ANKS1B: variants seen among roughly 807,000 people sequenced by gnomAD.
The protein encoded by ANKS1B is ankyrin repeat and sterile alpha motif domain-containing protein 1B.
ANKS1B carries 36 observed loss-of-function variants against 148.3 expected under a neutral mutation model. That is an observed-to-expected ratio of 0.24 (90% CI 0.19 to 0.32). The LOEUF (loss-of-function observed/expected upper bound fraction) is 0.32. ANKS1B is among the 10% of genes least tolerant of loss of function. ANKS1B has a pLI of 1.00. For synonymous variants in ANKS1B, 542 were observed against 560.8 expected (o/e 0.97, Z 0.47); for missense variants, 1,157 against 1,542.6 (o/e 0.75, Z 4.19).
At chr12:99,747,278 C>T (rs564576463) in intron 8 of ANKS1B, among the ~76,000 whole-genome samples, 1 of 152,188 alleles carries the variant, frequency 6.6e-6, no homozygotes, top group African/African-American at 2.4e-5. Flanking sequence ...CTTTCTAACA[C>T]AGCCAGTTTC....
chr12:99,840,635 C>T lies in ANKS1B; in HGVS notation c.135-15246G>A, dbSNP rs140148480. On this transcript the variant is annotated intron_variant, in intron 1 of 26. Transcript: ENST00000683438. ...AACAGAATTTGCTGACAAATTGTGA[C>T]GTGCAAAGAAAAGAAACAGGAAGGA... Among the ~76,000 whole-genome samples the T allele has an allele frequency of 3.9e-3, 599 of 152,056 alleles. 3 individuals are homozygous for T. The highest frequency in any genetic ancestry group is 0.012 in the African/African-American group (498 of 41,478).
chr12:99,197,620 A>G (rs1419359294), intron 14 of ANKS1B, among the ~76,000 whole-genome samples: 1 of 152,190 alleles, frequency 6.6e-6, no homozygotes, highest in South Asian at 2.1e-4. Context: ...TCTCTTCCAG[A>G]TTCAGATAAC....
intron 17 of ANKS1B, among the ~76,000 whole-genome samples, chr12:98,945,473 C>A (rs1489387238): frequency 2.4e-5 from 3 of 125,352 alleles, no homozygotes; most frequent in African/African-American, 9.8e-5. Context: ...CCAGCCTGGG[C>A]AGCAGAGCCA....
Position 98,781,101 on chromosome 12 carries a change from G to C in ANKS1B, c.3441+16C>G, listed in dbSNP as rs562101832. ...CTGCATCTGGTGTCTAAACCAGAGAGAGGAGTGGTACTTACCTTATTTGTT... is the reference window on the plus strand; with the variant it reads ...CTGCATCTGGTGTCTAAACCAGAGACAGGAGTGGTACTTACCTTATTTGTT... On this transcript the variant is annotated intron_variant, in intron 24 of 26. Transcript: ENST00000683438. The C allele has an allele frequency of 1.2e-5, 18 of 1,500,358 alleles. No individual in the cohort carries two copies. The African/African-American group carries it at 2.1e-4, about 17-fold the overall frequency. The allele number at this position is 1,500,358 out of a possible 1,614,324, so 92.9% of individuals were successfully genotyped here.
chr12:99,385,768 C>A (rs2152527363), intron 12 of ANKS1B, among the ~76,000 whole-genome samples: 1 of 152,220 alleles, frequency 6.6e-6, no homozygotes, highest in South Asian at 2.1e-4. Flanking sequence ...AGAAAATATG[C>A]TAAGGAGACT....
intron 12 of ANKS1B, among the ~76,000 whole-genome samples, chr12:99,265,367 T>G (rs2076347261): frequency 6.6e-6 from 1 of 152,166 alleles, no homozygotes. Flanking sequence ...TACCTGGGGA[T>G]GGGCCCAGCA....
At position 99,938,183 on chromosome 12, in the gene ANKS1B, G is replaced by A. The variant is rs556994337; in HGVS notation, c.134+45921C>T. On this transcript the variant is annotated intron_variant, in intron 1 of 26. Coordinates refer to ENST00000683438, the MANE Select transcript of ANKS1B (RefSeq NM_001352186.2). ...TTTGTTGGAGTCTCTGTCTTTTACC[G>A]GCTTTAAGGAAGCAAGTGGCCATAT... 5.3e-5 allele frequency among the ~76,000 whole-genome samples: 8 copies of A among 152,214 alleles called. No homozygotes were observed. The East Asian group carries it at 7.7e-4, about 15-fold the overall frequency.
chr12:99,118,270 A>C (rs971362499), intron 15 of ANKS1B, among the ~76,000 whole-genome samples: 1 of 152,176 alleles, frequency 6.6e-6, no homozygotes, highest in Non-Finnish European at 1.5e-5. Flanking sequence ...CCATATAATA[A>C]ATTGGGTTTG....
chr12:99,067,969 C>A (rs2044973233), intron 16 of ANKS1B, among the ~76,000 whole-genome samples: 1 of 151,950 alleles, frequency 6.6e-6, no homozygotes, highest in Non-Finnish European at 1.5e-5. Context: ...TAAGAATCTT[C>A]AGCTCTATTT....
intron 16 of ANKS1B, among the ~76,000 whole-genome samples, chr12:99,060,717 AGAGC>A (rs1565824020): frequency 6.7e-6 from 1 of 150,014 alleles, no homozygotes; most frequent in East Asian, 2.0e-4. Context: ...ATAGAGAGAG[AGAGC>A]CTGTCATTCC....
chr12:99,297,040 T>A (rs2080965799), intron 12 of ANKS1B, among the ~76,000 whole-genome samples: 1 of 152,178 alleles, frequency 6.6e-6, no homozygotes, highest in African/African-American at 2.4e-5. Flanking sequence ...TTAGCTTTGT[T>A]AGCAGAATTT....
chr12:99,795,687 G>T (rs116012604), intron 4 of ANKS1B, among the ~76,000 whole-genome samples: 1 of 152,042 alleles, frequency 6.6e-6, no homozygotes, highest in East Asian at 1.9e-4. Context: ...ACACGGAAAA[G>T]GTCCCACTTT....
At chr12:99,617,451 T>G (rs1392288048) in intron 9 of ANKS1B, among the ~76,000 whole-genome samples, 1 of 152,144 alleles carries the variant, frequency 6.6e-6, no homozygotes, top group Non-Finnish European at 1.5e-5. Flanking sequence ...TGGAATACTA[T>G]GCAGCCATAA....
chr12:99,082,975 T>A (rs2050340524), intron 16 of ANKS1B, among the ~76,000 whole-genome samples: 1 of 152,058 alleles, frequency 6.6e-6, no homozygotes, highest in African/African-American at 2.4e-5. Flanking sequence ...AGGTAATATT[T>A]TAAGTAAACA....
chr12:99,793,307 A>G (rs1301548764), intron 4 of ANKS1B, among the ~76,000 whole-genome samples: 2 of 152,116 alleles, frequency 1.3e-5, no homozygotes, highest in Non-Finnish European at 2.9e-5. Flanking sequence ...CAACATACCA[A>G]TGACATTTTT....
chr12:99,035,316 C>T (rs947405837), intron 17 of ANKS1B, among the ~76,000 whole-genome samples: 2 of 152,118 alleles, frequency 1.3e-5, no homozygotes, highest in African/African-American at 4.8e-5. Context: ...GACTGTAGGT[C>T]GTAATACCCC....
At chr12:99,585,572 CCCA>C (rs1474422359) in intron 9 of ANKS1B, among the ~76,000 whole-genome samples, 2 of 152,186 alleles carry the variant, frequency 1.3e-5, no homozygotes, top group Non-Finnish European at 2.9e-5. Context: ...GAGCTCCAAC[CCCA>C]CATTTCCCCT....
chr12:99,492,289 C>T (rs1025264968), intron 10 of ANKS1B, among the ~76,000 whole-genome samples: 4 of 152,092 alleles, frequency 2.6e-5, no homozygotes, highest in Non-Finnish European at 4.4e-5. Context: ...TGCACATAAA[C>T]GAGAAAACCT....
chr12:99,160,307 T>C (rs1273688706), intron 14 of ANKS1B, among the ~76,000 whole-genome samples: 1 of 152,026 alleles, frequency 6.6e-6, no homozygotes, highest in Non-Finnish European at 1.5e-5. Flanking sequence ...CTAAGGCTGA[T>C]GTCCAGAATG....
Sources: gnomAD v4.1 joint callset for allele counts (sites outside exome capture counted in the v4.1 genomes callset) on GRCh38, gnomAD v4.1.1 for gene constraint, MANE v1.5 for transcripts, NCBI Gene and HGNC (gene_info 2026-07-23, HGNC 2026-07-21) for gene names.